The following COL25A1 variants were observed in gnomAD, a reference collection of about 807,000 sequenced individuals.
COL25A1 encodes collagen type XXV alpha 1 chain, also known as collagen alpha-1(XXV) chain.
In COL25A1, 103 loss-of-function variants were observed where a neutral mutation model predicts 128.4. The observed-to-expected ratio is 0.80, with a 90% CI of 0.68 to 0.94. The LOEUF (loss-of-function observed/expected upper bound fraction) is 0.94. Among genes scored for constraint, COL25A1 ranks in the 40% least tolerant of loss-of-function variants. The pLI, the probability that COL25A1 is intolerant of heterozygous loss-of-function variation, is 0.00. For synonymous variants in COL25A1, 279 were observed against 277.2 expected, an observed-to-expected ratio of 1.01 and a Z score of -0.06; for missense variants, 745 against 840.0, an observed-to-expected ratio of 0.89 and a Z score of 1.40.
intron 5 of COL25A1, among the ~76,000 whole-genome samples, chr4:109,026,815 T>A (rs1027543282): frequency 1.3e-5 from 2 of 152,086 alleles, no homozygotes; most frequent in African/African-American, 2.4e-5. Flanking sequence ...AGTATCAGCA[T>A]GCAAGAGAAC....
chr4:109,200,170 G>A lies in COL25A1; in HGVS notation c.367+100413C>T, dbSNP rs545427887. ...CATTATTCACTTTCCATCTTCCATC[G>A]TCGAAGTCTTTCTCCAGCAGCTCCT... On this transcript the variant is annotated intron_variant, in intron 3 of 37. Transcript: ENST00000399132. 2.0e-4 allele frequency among the ~76,000 whole-genome samples: 30 copies of A among 152,142 alleles called. 2 individuals are homozygous for A. The South Asian group carries it at 4.0e-3, about 20-fold the overall frequency.
chr4:108,835,152 CT>C (rs1215632236), intron 31 of COL25A1, among the ~76,000 whole-genome samples: 1 of 152,188 alleles, frequency 6.6e-6, no homozygotes, highest in East Asian at 1.9e-4. Context: ...ACAATGCATG[CT>C]TTTCTTCACT....
At chr4:109,137,177 C>T (rs1051282489) in intron 3 of COL25A1, among the ~76,000 whole-genome samples, 9 of 152,146 alleles carry the variant, frequency 5.9e-5, no homozygotes, top group Non-Finnish European at 2.9e-5. Context: ...CTGGGTCGAG[C>T]ATTAACCTAA....
At chr4:109,088,384 G>A (rs1224799594) in intron 3 of COL25A1, among the ~76,000 whole-genome samples, 1 of 152,076 alleles carries the variant, frequency 6.6e-6, no homozygotes, top group African/African-American at 2.4e-5. Context: ...GAGATCTTTT[G>A]TTTTGTTTTC....
Position 108,808,864 on chromosome 4 carries a change from C to T in COL25A1, c.*5063G>A, listed in dbSNP as rs907885474. ...AAAATAATTCTGAAGATCAACTTCT[C>T]ACAAACTAGGAACCCTGAAAACAAA... On this transcript the variant is annotated 3_prime_UTR_variant, in exon 38 of 38. Transcript: ENST00000399132. 1.4e-4 allele frequency: 21 copies of T among 152,096 alleles called. No individual in the cohort carries two copies. Among genetic ancestry groups the T allele is most frequent in the Admixed American group, 5.9e-4 (9 of 15,276 alleles). 9.4% of individuals were successfully genotyped at this position (152,096 alleles called of 1,614,324 possible). A position where few individuals can be genotyped will look rare whatever the true frequency, so the allele number is the denominator to read the frequency against.
chr4:109,184,792 T>A (rs1333342134), intron 3 of COL25A1, among the ~76,000 whole-genome samples: 1 of 152,182 alleles, frequency 6.6e-6, no homozygotes, highest in Non-Finnish European at 1.5e-5. Context: ...CTTGAAATGC[T>A]ACCACAATAT....
At position 108,810,960 on chromosome 4, in the gene COL25A1, T is replaced by G. The variant is rs542139949; in HGVS notation, c.*2967A>C. 2.6e-4 allele frequency: 39 copies of G among 152,166 alleles called. No individual in the cohort carries two copies. The highest frequency in any genetic ancestry group is 1.5e-5 in the Non-Finnish European group (1 of 67,892). The allele number at this position is 152,166 out of a possible 1,614,324, so 9.4% of individuals were successfully genotyped here. A position where few individuals can be genotyped will look rare whatever the true frequency, so the allele number is the denominator to read the frequency against. ...CATAAATGAAAAACAATTTTAAATC[T>G]AAAACACATATCAATTTGCTATCCT... On this transcript the variant is annotated 3_prime_UTR_variant, in exon 38 of 38. Transcript: ENST00000399132.
chr4:108,956,908 CA>C (rs1460187165), intron 8 of COL25A1, among the ~76,000 whole-genome samples: 3 of 152,046 alleles, frequency 2.0e-5, no homozygotes, highest in Non-Finnish European at 4.4e-5. Flanking sequence ...GGTATACTAA[CA>C]TGGAATAAAA....
chr4:108,951,381 T>A (rs7655608), intron 8 of COL25A1, among the ~76,000 whole-genome samples: 6,596 of 150,816 alleles, frequency 0.044, 362 homozygotes, highest in African/African-American at 0.13. Context: ...TTTTAGAAAC[T>A]TTTTTTTTCT....
Position 109,118,393 on chromosome 4 carries a change from A to C in COL25A1, c.368-68214T>G, listed in dbSNP as rs1767802184. ...AAAAAAAGATAACACACGTGAGGTG[A>C]TGGGTATGTTAATTACCCTGATTTA... On this transcript the variant is annotated intron_variant, in intron 3 of 37. Coordinates refer to ENST00000399132, the MANE Select transcript of COL25A1 (RefSeq NM_198721.4). Among the ~76,000 whole-genome samples, 2 of 151,896 alleles carry C rather than the reference A, an allele frequency of 1.3e-5. 1 individual carries two copies. Among genetic ancestry groups the C allele is most frequent in the South Asian group, 4.1e-4 (2 of 4,834 alleles).
At chr4:108,918,296 TA>T in intron 12 of COL25A1, 80 bp from the exon 13 acceptor site, 1 of 1,003,626 alleles carries the variant, frequency 1.0e-6, no homozygotes, top group South Asian at 1.7e-5. Flanking sequence ...ATTAGTTATG[TA>T]AGCCTTGCTA....
intron 3 of COL25A1, among the ~76,000 whole-genome samples, chr4:109,160,070 A>G (rs912770820): frequency 3.9e-5 from 6 of 152,212 alleles, no homozygotes; most frequent in Non-Finnish European, 7.4e-5. Flanking sequence ...TTTCTCTTAT[A>G]ATAGGTAAAT....
intron 3 of COL25A1, among the ~76,000 whole-genome samples, chr4:109,063,369 A>G (rs1468035201): frequency 2.0e-5 from 3 of 151,860 alleles, no homozygotes; most frequent in Non-Finnish European, 4.4e-5. Context: ...TGGGCTTGGT[A>G]GCACGTGCCT....
At chr4:108,860,996 A>C (rs1560764184) in intron 22 of COL25A1, 25 bp from the exon 23 acceptor site, 3 of 1,608,724 alleles carry the variant, frequency 1.9e-6, no homozygotes, top group Non-Finnish European at 8.5e-7. Context: ...AAGAGAAAAA[A>C]CTTAATCAGA....
rs56407114 is a variant in COL25A1, at chr4:109,061,302, T to C, written c.368-11123A>G. On this transcript the variant is annotated intron_variant, in intron 3 of 37. Transcript: ENST00000399132. ...TCCAACATACCCATGAATTGATTCT[T>C]GTTGTGATAGAAATTCTGCCTTCTT... 6.1e-3 allele frequency among the ~76,000 whole-genome samples: 923 copies of C among 152,344 alleles called. 6 individuals are homozygous for C. The highest frequency in any genetic ancestry group is 0.014 in the Middle Eastern group (4 of 294).
rs2125697648 is a variant in COL25A1 at position 108,811,374 on chromosome 4, AC to A, written c.*2552del. ...TTGTCAAATCAGTTATAGAGCAAAA[AC>A]TCAATATACACACAGGACAGAATAG... On this transcript the variant is annotated 3_prime_UTR_variant, in exon 38 of 38. Coordinates refer to ENST00000399132, the MANE Select transcript of COL25A1 (RefSeq NM_198721.4). 1 of 152,150 alleles carries A rather than the reference AC, an allele frequency of 6.6e-6. No individual in the cohort carries two copies. The highest frequency in any genetic ancestry group is 2.1e-4 in the South Asian group (1 of 4,834). 9.4% of individuals were successfully genotyped at this position (152,150 alleles called of 1,614,324 possible).
At chr4:108,825,302 C>T in intron 33 of COL25A1, 80 bp from the exon 34 acceptor site, 1 of 1,038,458 alleles carries the variant, frequency 9.6e-7, no homozygotes. Context: ...GCTGTCTGAA[C>T]ATGCAACACT....
chr4:108,841,757 G>A (rs1333646695), intron 30 of COL25A1, 36 bp from the exon 31 acceptor site: 1 of 1,524,174 alleles, frequency 6.6e-7, no homozygotes, highest in South Asian at 1.1e-5. Context: ...ATTAAGAATT[G>A]ATTCCCTGTT....
intron 8 of COL25A1, among the ~76,000 whole-genome samples, chr4:108,946,441 T>C (rs548030418): frequency 9.8e-5 from 15 of 152,364 alleles, no homozygotes; most frequent in African/African-American, 3.6e-4. Flanking sequence ...CTAAACTTTG[T>C]CATTACGCAA....
Sources: allele counts gnomAD v4.1 joint callset (sites outside exome capture counted in the v4.1 genomes callset), GRCh38; gene constraint gnomAD v4.1.1; transcripts MANE v1.5; gene names NCBI Gene and HGNC (gene_info 2026-07-23, HGNC 2026-07-21).